Variants in REEP1 observed in about 807,000 individuals in gnomAD.
The protein encoded by REEP1 is receptor accessory protein 1.
In REEP1, 22 loss-of-function variants were observed where a neutral mutation model predicts 40.3. The observed-to-expected ratio is 0.55, with a 90% CI of 0.39 to 0.78. The LOEUF is 0.78. Ranked by LOEUF, REEP1 falls within the 30% of genes least tolerant of loss-of-function variation. The pLI is 0.00. For missense variants in REEP1, 280 were observed against 361.1 expected (o/e 0.78, Z 1.82); for synonymous variants, 116 against 139.2 (o/e 0.83, Z 1.17).
Position 86,315,336 on chromosome 2 carries a change from G to A in REEP1, c.32+22143C>T, listed in dbSNP as rs1032874038. 3.3e-5 allele frequency among the ~76,000 whole-genome samples: 5 copies of A among 152,200 alleles called. 1 individual carries two copies. The South Asian group carries it at 6.2e-4, about 19-fold the overall frequency. ...GTGTTGCTGGCACTATGGTGCTCTC[G>A]TTTGTCTGGCTCCAGCCCCTGGCTT... On this transcript the variant is annotated intron_variant, in intron 1 of 8. Transcript: ENST00000538924.
intron 1 of REEP1, among the ~76,000 whole-genome samples, chr2:86,295,047 A>G (rs569454693): frequency 6.6e-6 from 1 of 152,352 alleles, no homozygotes; most frequent in South Asian, 2.1e-4. Flanking sequence ...TTAAAAAAAA[A>G]GAAAAGAAAA....
At chr2:86,235,672 A>G (rs1318726366) in intron 5 of REEP1, among the ~76,000 whole-genome samples, 4 of 152,242 alleles carry the variant, frequency 2.6e-5, no homozygotes, top group Admixed American at 6.5e-5. Context: ...TCGCTCAGCA[A>G]CATATGTGAG....
chr2:86,266,760 C>A (rs1677163089), intron 2 of REEP1, among the ~76,000 whole-genome samples: 1 of 151,580 alleles, frequency 6.6e-6, no homozygotes, highest in Non-Finnish European at 1.5e-5. Flanking sequence ...GTAATCCCAG[C>A]ACTTTGGGAG....
chr2:86,333,152 A>G (rs1347248178), intron 1 of REEP1, among the ~76,000 whole-genome samples: 8 of 152,264 alleles, frequency 5.3e-5, no homozygotes, highest in Admixed American at 3.9e-4. Context: ...TAACTGAATC[A>G]GTTTCCTGCA....
intron 1 of REEP1, among the ~76,000 whole-genome samples, chr2:86,305,866 A>T (rs6728494): frequency 6.6e-6 from 1 of 151,964 alleles, no homozygotes; most frequent in East Asian, 1.9e-4. Flanking sequence ...CTTTCCTCCC[A>T]TTTTGGCTCA....
At chr2:86,264,260 A>C (rs1189679501) in intron 2 of REEP1, among the ~76,000 whole-genome samples, 2 of 152,166 alleles carry the variant, frequency 1.3e-5, no homozygotes, top group African/African-American at 4.8e-5. Flanking sequence ...ACTCAGGCTG[A>C]AGGTCATATG....
intron 2 of REEP1, among the ~76,000 whole-genome samples, chr2:86,275,813 A>C (rs899771337): frequency 3.3e-5 from 5 of 152,160 alleles, no homozygotes; most frequent in Non-Finnish European, 7.4e-5. Flanking sequence ...TCCATCCCTG[A>C]GTAAAACAAA....
At chr2:86,297,926 A>G (rs1679061395) in intron 1 of REEP1, among the ~76,000 whole-genome samples, 1 of 152,156 alleles carries the variant, frequency 6.6e-6, no homozygotes, top group South Asian at 2.1e-4. Flanking sequence ...TACTATAAAT[A>G]GTATAATTTG....
intron 3 of REEP1, among the ~76,000 whole-genome samples, chr2:86,262,142 C>T (rs1055573803): frequency 2.0e-5 from 3 of 152,220 alleles, no homozygotes; most frequent in Non-Finnish European, 4.4e-5. Context: ...ATATGCCGAA[C>T]GCTGGTTCCC....
chr2:86,268,393 C>G (rs1475087897), intron 2 of REEP1, among the ~76,000 whole-genome samples: 1 of 152,006 alleles, frequency 6.6e-6, no homozygotes. Context: ...TATGTTAGTA[C>G]CATCTAAAAA....
At chr2:86,305,995 A>G (rs1162180062) in intron 1 of REEP1, among the ~76,000 whole-genome samples, 1 of 152,218 alleles carries the variant, frequency 6.6e-6, no homozygotes, top group Non-Finnish European at 1.5e-5. Context: ...GTAAAGTCTT[A>G]TGTGGACATA....
At chr2:86,283,970 C>A (rs2104402227) in intron 1 of REEP1, among the ~76,000 whole-genome samples, 1 of 152,158 alleles carries the variant, frequency 6.6e-6, no homozygotes, top group South Asian at 2.1e-4. Context: ...GCAGGATGAG[C>A]CACTGGGGGG....
chr2:86,280,215 C>G (rs1053807753), intron 2 of REEP1, among the ~76,000 whole-genome samples: 2 of 152,186 alleles, frequency 1.3e-5, no homozygotes, highest in Non-Finnish European at 2.9e-5. Context: ...TGATACTACT[C>G]GGCTTGTTTC....
intron 1 of REEP1, among the ~76,000 whole-genome samples, chr2:86,309,586 C>T (rs1679665809): frequency 6.6e-6 from 1 of 152,180 alleles, no homozygotes; most frequent in African/African-American, 2.4e-5. Context: ...TCCCACAGCA[C>T]TGGAAGCTGG....
chr2:86,285,452 C>T lies in REEP1; in HGVS notation c.33-3210G>A, dbSNP rs116406965. ...TTATATCATTGAGTGTTCACTAATG[C>T]CAGGCACTGTTCTACAAGCTGTACT... is the stretch of plus-strand genomic sequence containing the variant. On this transcript the variant is annotated intron_variant, in intron 1 of 8. Transcript: ENST00000538924. Among the ~76,000 whole-genome samples the T allele has an allele frequency of 9.9e-3, 1,514 of 152,288 alleles. 17 individuals carry two copies. Among genetic ancestry groups the T allele is most frequent in the Admixed American group, 0.014 (218 of 15,300 alleles).
chr2:86,324,076 G>A (rs1379928118), intron 1 of REEP1, among the ~76,000 whole-genome samples: 1 of 151,934 alleles, frequency 6.6e-6, no homozygotes, highest in African/African-American at 2.4e-5. Flanking sequence ...ACTGCTAGGA[G>A]CAATATGGAA....
Position 86,304,530 on chromosome 2 carries a change from C to T in REEP1, c.33-22288G>A, listed in dbSNP as rs557213254. 4.6e-5 allele frequency among the ~76,000 whole-genome samples: 7 copies of T among 152,344 alleles called. No individual in the cohort carries two copies. The East Asian group carries it at 1.2e-3, about 25-fold the overall frequency. ...CCACAAGCTCCTCCCTTCTAATTTT[C>T]ATTTAGCAGACACAAACCCGCATTC... On this transcript the variant is annotated intron_variant, in intron 1 of 8. Coordinates refer to ENST00000538924, the MANE Select transcript of REEP1 (RefSeq NM_001371279.1).
intron 1 of REEP1, among the ~76,000 whole-genome samples, chr2:86,314,387 C>T (rs1368851884): frequency 6.6e-6 from 1 of 152,152 alleles, no homozygotes; most frequent in Non-Finnish European, 1.5e-5. Flanking sequence ...CTGGAAGGCA[C>T]TGCAGGGCTG....
At chr2:86,266,512 G>A (rs958183587) in intron 2 of REEP1, among the ~76,000 whole-genome samples, 18 of 150,378 alleles carry the variant, frequency 1.2e-4, no homozygotes, top group Admixed American at 2.7e-4. Context: ...CCAGCTACTC[G>A]GGAGGCTGAG....
Sources: allele counts gnomAD v4.1 joint callset (sites outside exome capture counted in the v4.1 genomes callset), GRCh38; gene constraint gnomAD v4.1.1; transcripts MANE v1.5; gene names NCBI Gene and HGNC (gene_info 2026-07-23, HGNC 2026-07-21).